Variants in OTUD7A observed in about 807,000 individuals in gnomAD.
The protein encoded by OTUD7A is OTU deubiquitinase 7A.
In OTUD7A, 12 loss-of-function variants were observed where a neutral mutation model predicts 65.7. The ratio of observed to expected loss-of-function variants is 0.18; its 90% CI spans 0.12 to 0.30. The LOEUF is 0.30. OTUD7A is among the 10% of genes least tolerant of loss of function. OTUD7A has a pLI of 1.00. For missense variants in OTUD7A, 1,148 were observed against 1,304.8 expected, an observed-to-expected ratio of 0.88 and a Z score of 1.85; for synonymous variants, 641 against 586.3, an observed-to-expected ratio of 1.09 and a Z score of -1.35.
intron 1 of OTUD7A, among the ~76,000 whole-genome samples, chr15:31,710,444 A>C (rs1316935440): frequency 1.3e-5 from 2 of 151,374 alleles, no homozygotes; most frequent in Non-Finnish European, 2.9e-5. Context: ...AATTTCACCC[A>C]GCCGCACGGC....
intron 3 of OTUD7A, among the ~76,000 whole-genome samples, chr15:31,618,694 A>G (rs1736004723): frequency 2.0e-5 from 3 of 152,050 alleles, no homozygotes; most frequent in Admixed American, 2.0e-4. Context: ...CAGATAAGTA[A>G]ATTGCAAAAA....
Position 31,484,280 on chromosome 15 carries a change from A to G in OTUD7A, c.1816T>C (p.Ser606Pro). 1 of 1,593,038 alleles carries G rather than the reference A, an allele frequency of 6.3e-7. No homozygotes were observed. The highest frequency in any genetic ancestry group is 8.5e-7 in the Non-Finnish European group (1 of 1,173,906). ...GGCCCACCGCCCTTCTCCGCCGGCG[A>G]CGCGCCCGCTGCCTTGTCTGTGGGC... is the stretch of plus-strand genomic sequence containing the variant. ...PSPTDKAAGA[S>P]PAEKGGGPRG... The change falls in exon 13 of 13, where the codon TCG becomes CCG. Residue 606 changes from serine to proline, a missense_variant. By Grantham distance (74) the Ser-to-Pro change is moderately conservative. Around this residue, in one of 6 missense-constraint regions of OTUD7A, gnomAD observed 842 missense variants for 769.5 expected, o/e 1.09. Coordinates refer to ENST00000307050, the MANE Select transcript of OTUD7A (RefSeq NM_001382637.1). This position sits in a 1 kb window ranked among gnomAD's most constrained non-coding sequence, Gnocchi z 4.5.
intron 1 of OTUD7A, among the ~76,000 whole-genome samples, chr15:31,795,134 C>T (rs564760359): frequency 1.3e-5 from 2 of 152,350 alleles, no homozygotes; most frequent in African/African-American, 2.4e-5. Flanking sequence ...GATCTGCCTG[C>T]TCATTCGAAT....
intron 3 of OTUD7A, among the ~76,000 whole-genome samples, chr15:31,611,737 C>T (rs1423640156): frequency 6.6e-6 from 1 of 152,094 alleles, no homozygotes; most frequent in Non-Finnish European, 1.5e-5. Flanking sequence ...AGAATTGGTA[C>T]CAATTCTTTT....
chr15:31,507,756 T>C (rs2041602824), intron 8 of OTUD7A, among the ~76,000 whole-genome samples: 1 of 152,202 alleles, frequency 6.6e-6, no homozygotes, highest in Non-Finnish European at 1.5e-5. Flanking sequence ...ATTCTGCTGA[T>C]TGGTGCGTTT....
At chr15:31,779,076 G>A (rs1321898687) in intron 1 of OTUD7A, among the ~76,000 whole-genome samples, 1 of 152,174 alleles carries the variant, frequency 6.6e-6, no homozygotes, top group Non-Finnish European at 1.5e-5. Context: ...CATTTCCACA[G>A]CAGAGCTTGG....
chr15:31,646,859 G>GGAAGGAAAT (rs1340015823), intron 3 of OTUD7A, among the ~76,000 whole-genome samples: 34 of 152,212 alleles, frequency 2.2e-4, no homozygotes, highest in East Asian at 1.9e-3. Flanking sequence ...TTCCCCAATA[G>GGAAGGAAAT]GAAGGAAATA....
rs145796011 is a variant in OTUD7A at position 31,487,466 on chromosome 15, G to T, written c.1272C>A (p.Asn424Lys). Residue 424 changes from asparagine to lysine, a missense_variant, in exon 11 of 13, where the codon AAC becomes AAA. Physicochemically the swap from Asn to Lys is moderately conservative, Grantham distance 94. This residue lies in a region of OTUD7A where 842 missense variants were observed against 769.5 expected (regional missense o/e 1.09). Coordinates refer to ENST00000307050, the MANE Select transcript of OTUD7A (RefSeq NM_001382637.1). The surrounding 1 kb of genome is among the most constrained non-coding windows in gnomAD (Gnocchi z 6.0). ...DWEWGKDDND[N>K]ARLAHLILSL... ...TAGGATCTTACTGGGCCAGCCGGGC[G>T]TTATCGTTGTCGTCTTTCCCCCACT... The T allele has an allele frequency of 6.2e-7, 1 of 1,613,980 alleles. No individual in the cohort carries two copies. Among genetic ancestry groups the T allele is most frequent in the South Asian group, 1.1e-5 (1 of 91,058 alleles).
intron 3 of OTUD7A, among the ~76,000 whole-genome samples, chr15:31,605,069 C>T (rs1890198795): frequency 6.6e-6 from 1 of 152,234 alleles, no homozygotes. Flanking sequence ...GGGCCTTCCA[C>T]AGCTGTTTGT....
chr15:31,544,266 T>C (rs966101913), intron 5 of OTUD7A, among the ~76,000 whole-genome samples: 4 of 151,824 alleles, frequency 2.6e-5, no homozygotes, highest in Admixed American at 2.0e-4. Context: ...TAACCTTAAA[T>C]ACTTGCAAGA....
At chr15:31,497,109 C>A (rs910696330) in intron 10 of OTUD7A, among the ~76,000 whole-genome samples, 3 of 152,158 alleles carry the variant, frequency 2.0e-5, no homozygotes, top group African/African-American at 7.2e-5. Context: ...TCTCTAGGTT[C>A]CTTAAGTGGG....
At chr15:31,598,095 C>A (rs1271760437) in intron 3 of OTUD7A, among the ~76,000 whole-genome samples, 6 of 152,150 alleles carry the variant, frequency 3.9e-5, no homozygotes, top group Admixed American at 6.5e-5. Context: ...GGTGATGTTG[C>A]CCCTAGGTTA....
At chr15:31,864,168 C>T (rs4779555) in intron 1 of OTUD7A, among the ~76,000 whole-genome samples, 90,482 of 152,052 alleles carry the variant, frequency 0.6, 27,202 homozygotes, top group East Asian at 0.69. Context: ...GTCAAAGCCA[C>T]TCAACAAGTC....
chr15:31,583,510 A>G (rs1403243972), intron 3 of OTUD7A, among the ~76,000 whole-genome samples: 1 of 152,008 alleles, frequency 6.6e-6, no homozygotes, highest in East Asian at 1.9e-4. Context: ...GTGGGAGACA[A>G]TTGAATCATG....
chr15:31,477,261 C>T lies in OTUD7A; in HGVS notation c.*6033G>A, dbSNP rs1474291837. ...CTGGGCTGGGCCATCTGCTGCCACC[C>T]GTGTTGAACTGGGAAGGACTGGGAG... On this transcript the variant is annotated 3_prime_UTR_variant, in exon 13 of 13. Coordinates refer to ENST00000307050, the MANE Select transcript of OTUD7A (RefSeq NM_001382637.1). 1 of 152,358 alleles carries T rather than the reference C, an allele frequency of 6.6e-6. No homozygotes were observed. The highest frequency in any genetic ancestry group is 2.1e-4 in the South Asian group (1 of 4,834). 9.4% of individuals were successfully genotyped at this position (152,358 alleles called of 1,614,324 possible).
intron 1 of OTUD7A, among the ~76,000 whole-genome samples, chr15:31,669,748 T>A (rs962380123): frequency 1.3e-5 from 2 of 151,978 alleles, no homozygotes; most frequent in Non-Finnish European, 2.9e-5. Flanking sequence ...TCCTCTGGCT[T>A]CCCTCCCAAA....
chr15:31,571,311 A>C (rs1156264103), intron 3 of OTUD7A, among the ~76,000 whole-genome samples: 3 of 152,226 alleles, frequency 2.0e-5, no homozygotes, highest in Non-Finnish European at 4.4e-5. Flanking sequence ...TTCCATTTTA[A>C]GTTACTGGGA....
chr15:31,864,925 C>T (rs563145635), intron 1 of OTUD7A, among the ~76,000 whole-genome samples: 4 of 152,150 alleles, frequency 2.6e-5, no homozygotes, highest in Non-Finnish European at 5.9e-5. Context: ...TTTTATTGAA[C>T]AACTTATCAA....
chr15:31,793,212 G>C (rs571339846), intron 1 of OTUD7A, among the ~76,000 whole-genome samples: 4 of 152,260 alleles, frequency 2.6e-5, no homozygotes, highest in Admixed American at 1.3e-4. Flanking sequence ...GCCCCTGCCT[G>C]CATCAGCATC....
Sources: allele counts gnomAD v4.1 joint callset (sites outside exome capture counted in the v4.1 genomes callset), GRCh38; gene constraint gnomAD v4.1.1; regional missense constraint gnomAD v4.1.1; non-coding constraint Gnocchi (gnomAD v3.1); transcripts MANE v1.5; gene names NCBI Gene and HGNC (gene_info 2026-07-23, HGNC 2026-07-21).